Variants in TMEM94 observed in about 807,000 individuals in gnomAD.
The protein encoded by TMEM94 is ER Mg2+ ATPase.
Under a neutral mutation model 158.6 loss-of-function variants are expected in TMEM94, and 81 were observed. The ratio of observed to expected loss-of-function variants is 0.51; its 90% CI spans 0.43 to 0.61. TMEM94 has a LOEUF of 0.61. TMEM94 is among the 20% of genes least tolerant of loss of function. TMEM94 has a pLI of 0.00. For synonymous variants in TMEM94, 751 were observed against 730.7 expected (o/e 1.03, Z -0.45); for missense variants, 1,435 against 1,762.0 (o/e 0.81, Z 3.32).
intron 24 of TMEM94, 63 bp downstream of exon 24, chr17:75,496,534 G>A: frequency 1.3e-6 from 2 of 1,559,984 alleles, no homozygotes; most frequent in Non-Finnish European, 1.8e-6. Context: ...GGTGGGAGTA[G>A]CAGCAAAGGA....
intron 1 of TMEM94, among the ~76,000 whole-genome samples, chr17:75,464,041 G>C (rs1405803957): frequency 6.6e-6 from 1 of 152,110 alleles, no homozygotes; most frequent in Non-Finnish European, 1.5e-5. Flanking sequence ...GTGCTAGAAG[G>C]GATTAGAAGG....
Position 75,465,903 on chromosome 17 carries a change from AGTT to A in TMEM94, c.-106-5893_-106-5891del, listed in dbSNP as rs1316041703. ...TTTTATTTTTATGGAACAATTTATC[AGTT>A]GTTTTCTTTTATTTGTTTGTTTGTT... On this transcript the variant is annotated intron_variant, in intron 1 of 31. Coordinates refer to ENST00000314256, the MANE Select transcript of TMEM94 (RefSeq NM_014738.6). Among the ~76,000 whole-genome samples, 7 of 151,508 alleles carry A rather than the reference AGTT, an allele frequency of 4.6e-5. No individual in the cohort carries two copies. In the East Asian group the frequency reaches 1.4e-3, roughly 29 times the overall value.
In TMEM94 at chr17:75,492,392, C is replaced by T; in HGVS notation, c.1597-82C>T. 1 of 1,488,082 alleles carries T rather than the reference C, an allele frequency of 6.7e-7. No homozygotes were observed. Among genetic ancestry groups the T allele is most frequent in the Non-Finnish European group, 9.0e-7 (1 of 1,116,910 alleles). The allele number at this position is 1,488,082 out of a possible 1,614,324, so 92.2% of individuals were successfully genotyped here. On this transcript the variant is annotated intron_variant, in intron 14 of 31. Transcript: ENST00000314256. The surrounding 1 kb of genome is among the most constrained non-coding windows in gnomAD (Gnocchi z 4.4). ...GCCTTTCAGGGGCAGGAGCCCTCCC[C>T]AGCCTTGGGAGGTGGGCAGAGCCAG...
rs751384244 is a variant in TMEM94, at chr17:75,491,337, C to A, written c.1268C>A (p.Ser423Ter). Reference protein sequence around the residue: ...LCCVDKQGILSWPNPSPETVL... With the variant: ...LCCVDKQGIL ...TGTGTGGACAAACAGGGGATCCTGTCATGGCCAAATCCCAGCCCAGAGACT... is the reference window on the plus strand; with the variant it reads ...TGTGTGGACAAACAGGGGATCCTGTAATGGCCAAATCCCAGCCCAGAGACT... The change falls in exon 13 of 32, where the codon TCA becomes TAA. Residue 423 changes from serine to a stop codon, truncating the protein, a stop_gained. Coordinates refer to ENST00000314256, the MANE Select transcript of TMEM94 (RefSeq NM_014738.6). LOFTEE classifies it high-confidence loss of function. This position sits in a 1 kb window ranked among gnomAD's most constrained non-coding sequence, Gnocchi z 5.1. 3 of 1,614,154 alleles carry A rather than the reference C, an allele frequency of 1.9e-6. No individual in the cohort carries two copies. Among genetic ancestry groups the A allele is most frequent in the Non-Finnish European group, 2.5e-6 (3 of 1,180,024 alleles).
At chr17:75,472,447 T>C (rs1045759387) in intron 2 of TMEM94, among the ~76,000 whole-genome samples, 3 of 152,246 alleles carry the variant, frequency 2.0e-5, no homozygotes, top group Non-Finnish European at 4.4e-5. Flanking sequence ...TATCTTTGGA[T>C]GGAGGTAGAG....
At chr17:75,496,993 T>C in intron 25 of TMEM94, 120 bp from the exon 26 acceptor site, 3 of 1,053,628 alleles carry the variant, frequency 2.8e-6, no homozygotes, top group Admixed American at 1.8e-5. Flanking sequence ...CTCCGGCCCC[T>C]GTTCCCTCTG....
rs1598424222 is a variant in TMEM94 at position 75,493,983 on chromosome 17, A to C, written c.2407+67A>C. Reference sequence around the variant, plus strand: ...CCCTGGGCTGCCGAAGCCCAGGAGCAGGGAGGGCGTCTGGAGGGCCCCGGC... The same window carrying C: ...CCCTGGGCTGCCGAAGCCCAGGAGCCGGGAGGGCGTCTGGAGGGCCCCGGC... On this transcript the variant is annotated intron_variant, in intron 18 of 31. Coordinates refer to ENST00000314256, the MANE Select transcript of TMEM94 (RefSeq NM_014738.6). The C allele has an allele frequency of 1.5e-4, 226 of 1,504,362 alleles. 2 individuals carry two copies. The South Asian group carries it at 2.6e-3, about 17-fold the overall frequency. The allele number at this position is 1,504,362 out of a possible 1,614,324, so 93.2% of individuals were successfully genotyped here. A position where few individuals can be genotyped will look rare whatever the true frequency, so the allele number is the denominator to read the frequency against.
At chr17:75,465,679 A>ATATATATATATTT (rs1247855961) in intron 1 of TMEM94, among the ~76,000 whole-genome samples, 3 of 124,824 alleles carry the variant, frequency 2.4e-5, no homozygotes, top group African/African-American at 7.0e-5. Context: ...ATATATATAT[A>ATATATATATATTT]TTTTTTTTTA....
rs1806151838 is a variant in TMEM94, at chr17:75,489,729, A to G, written c.954+67A>G. 2 of 1,344,582 alleles carry G rather than the reference A, an allele frequency of 1.5e-6. No homozygotes were observed. Among genetic ancestry groups the G allele is most frequent in the Non-Finnish European group, 2.1e-6 (2 of 941,294 alleles). 83.3% of individuals were successfully genotyped at this position (1,344,582 alleles called of 1,614,324 possible). Reference sequence around the variant, plus strand: ...CCGCAGGGCTGGCTCTTCTCCTAGTACCCTGGCTGTCCCTCCCTCTCTGCA... The same window carrying G: ...CCGCAGGGCTGGCTCTTCTCCTAGTGCCCTGGCTGTCCCTCCCTCTCTGCA... On this transcript the variant is annotated intron_variant, in intron 9 of 31. Coordinates refer to ENST00000314256, the MANE Select transcript of TMEM94 (RefSeq NM_014738.6). This position sits in a 1 kb window ranked among gnomAD's most constrained non-coding sequence, Gnocchi z 5.0.
In TMEM94 at chr17:75,489,861, A is replaced by T. The variant is rs373657667; in HGVS notation, c.954+199A>T. The T allele has an allele frequency of 1.8e-5, 11 of 609,546 alleles. No homozygotes were observed. Among genetic ancestry groups the T allele is most frequent in the East Asian group, 1.7e-4 (6 of 35,738 alleles). The allele number at this position is 609,546 out of a possible 1,614,324, so 37.8% of individuals were successfully genotyped here. On this transcript the variant is annotated intron_variant, in intron 9 of 31. Coordinates refer to ENST00000314256, the MANE Select transcript of TMEM94 (RefSeq NM_014738.6). This position sits in a 1 kb window ranked among gnomAD's most constrained non-coding sequence, Gnocchi z 5.0. The stretch of plus-strand genomic sequence containing the variant: ...TTTGGGAGGCCACGGCAGGCAGATC[A>T]TGAGGTCAAGAGATCGAGACCATCC...
At chr17:75,481,011 C>T (rs1482795624) in intron 2 of TMEM94, among the ~76,000 whole-genome samples, 1 of 152,220 alleles carries the variant, frequency 6.6e-6, no homozygotes, top group Non-Finnish European at 1.5e-5. Context: ...CCGCCTGTCT[C>T]CTAGATCCTC....
chr17:75,496,112 A>G (rs1359135380), intron 23 of TMEM94, 38 bp downstream of exon 23: 34 of 1,550,034 alleles, frequency 2.2e-5, no homozygotes, highest in Admixed American at 5.3e-5. Flanking sequence ...GCCAGCCTCT[A>G]CCTCCCAGAC....
At position 75,488,068 on chromosome 17, in the gene TMEM94, G is replaced by A; in HGVS notation, c.546G>A (p.Leu182=). Residue 182 remains leucine (L), a synonymous_variant, in exon 6 of 32, where the codon CTG becomes CTA. Coordinates refer to ENST00000314256, the MANE Select transcript of TMEM94 (RefSeq NM_014738.6). ...TGGTCAACCTGCCAGTCAGCCTGCTGGTTGAAGGAGACATCATAGCTTTGA... is the reference window on the plus strand; with the variant it reads ...TGGTCAACCTGCCAGTCAGCCTGCTAGTTGAAGGAGACATCATAGCTTTGA... The part of the protein sequence containing the change: ...GHLVNLPVSL[L]VEGDIIALRP... 6.2e-7 allele frequency: 1 copy of A among 1,614,198 alleles called. No homozygotes were observed.
In TMEM94 at chr17:75,492,148, A is replaced by T. The variant is rs2052259344; in HGVS notation, c.1596+248A>T. On this transcript the variant is annotated intron_variant, in intron 14 of 31. Coordinates refer to ENST00000314256, the MANE Select transcript of TMEM94 (RefSeq NM_014738.6). This position sits in a 1 kb window ranked among gnomAD's most constrained non-coding sequence, Gnocchi z 4.4. ...GTCCCTACTGGAACCTTCCAAATAT[A>T]CACAGCCCGGAGCTCCCTCTTAGAG... is the stretch of plus-strand genomic sequence containing the variant. The T allele has an allele frequency of 1.1e-6, 1 of 931,110 alleles. No individual in the cohort carries two copies. Among genetic ancestry groups the T allele is most frequent in the Non-Finnish European group, 1.6e-6 (1 of 641,618 alleles). 57.7% of individuals were successfully genotyped at this position (931,110 alleles called of 1,614,324 possible).
intron 2 of TMEM94, 41 bp downstream of exon 2, chr17:75,471,970 T>C: frequency 6.2e-7 from 1 of 1,606,246 alleles, no homozygotes; most frequent in Non-Finnish European, 8.5e-7. Context: ...TGTCTGTGTG[T>C]CTCTGTTGAA....
chr17:75,486,173 A>C (rs2051586165), intron 4 of TMEM94, 117 bp from the exon 5 acceptor site: 8 of 1,499,326 alleles, frequency 5.3e-6, no homozygotes, highest in African/African-American at 1.4e-5. Context: ...TCAGGGCACC[A>C]GAACGGGACA....
chr17:75,474,324 G>T (rs1188007436), intron 2 of TMEM94, among the ~76,000 whole-genome samples: 1 of 152,030 alleles, frequency 6.6e-6, no homozygotes, highest in African/African-American at 2.4e-5. Context: ...TGACCAAAAT[G>T]GTGAAACCCT....
At chr17:75,465,487 G>A (rs1421125593) in intron 1 of TMEM94, among the ~76,000 whole-genome samples, 4 of 151,416 alleles carry the variant, frequency 2.6e-5, no homozygotes, top group Non-Finnish European at 5.9e-5. Flanking sequence ...CTGGAGTGCA[G>A]TGGCGAGATC....
chr17:75,491,261 T>C lies in TMEM94; in HGVS notation c.1234-42T>C. 3 of 1,552,580 alleles carry C rather than the reference T, an allele frequency of 1.9e-6. No homozygotes were observed. The highest frequency in any genetic ancestry group is 2.2e-5 in the South Asian group (2 of 90,116). On this transcript the variant is annotated intron_variant, in intron 12 of 31. Transcript: ENST00000314256. The surrounding 1 kb of genome is among the most constrained non-coding windows in gnomAD (Gnocchi z 5.1). ...TGAGTGGCCCCTGGGCAGGATAGGC[T>C]AATGCCAGGCCCCTTTCCTATCTCA...
Sources: allele counts gnomAD v4.1 joint callset (sites outside exome capture counted in the v4.1 genomes callset), GRCh38; gene constraint gnomAD v4.1.1; non-coding constraint Gnocchi (gnomAD v3.1); transcripts MANE v1.5; gene names NCBI Gene and HGNC (gene_info 2026-07-23, HGNC 2026-07-21).